The following TECRL variants were observed in gnomAD, a reference collection of about 807,000 sequenced individuals.
TECRL encodes the protein trans-2,3-enoyl-CoA reductase-like.
In TECRL, 63 loss-of-function variants were observed where a neutral mutation model predicts 52.8. That is an observed-to-expected ratio of 1.19 (90% CI 0.97 to 1.47). The LOEUF is 1.47. TECRL is among the 40% of genes most tolerant of loss of function. The pLI is 0.00. For missense variants in TECRL, 482 were observed against 429.6 expected, an observed-to-expected ratio of 1.12 and a Z score of -1.08; for synonymous variants, 164 against 141.9, an observed-to-expected ratio of 1.16 and a Z score of -1.10.
At position 64,296,580 on chromosome 4, in the gene TECRL, A is replaced by G. The variant is rs560416319; in HGVS notation, c.774+3394T>C. Among the ~76,000 whole-genome samples the G allele has an allele frequency of 1.4e-3, 214 of 151,838 alleles. 2 individuals carry two copies. The highest frequency in any genetic ancestry group is 2.4e-3 in the Non-Finnish European group (164 of 67,798). On this transcript the variant is annotated intron_variant, in intron 8 of 11. Transcript: ENST00000381210. ...GAAGACATTAAGAAAGGCTAGAAAAAGAGTTCCTTTTTGGTAAAATCCTCA... is the reference window on the plus strand; with the variant it reads ...GAAGACATTAAGAAAGGCTAGAAAAGGAGTTCCTTTTTGGTAAAATCCTCA...
chr4:64,374,048 GATACAT>G (rs1471754019), intron 2 of TECRL, among the ~76,000 whole-genome samples: 4 of 42,694 alleles, frequency 9.4e-5, no homozygotes, highest in African/African-American at 3.0e-4. Context: ...GTATATAGTA[GATACAT>G]ATATATATAT....
intron 9 of TECRL, among the ~76,000 whole-genome samples, chr4:64,287,426 G>A (rs1361880469): frequency 1.3e-5 from 2 of 152,074 alleles, no homozygotes; most frequent in Non-Finnish European, 2.9e-5. Flanking sequence ...CCTGCCAGAA[G>A]CGTGGAAGGC....
In TECRL at chr4:64,409,312, T is replaced by C; in HGVS notation, c.40A>G (p.Arg14Gly). 6.2e-7 allele frequency: 1 copy of C among 1,613,776 alleles called. No homozygotes were observed. Among genetic ancestry groups the C allele is most frequent in the Non-Finnish European group, 8.5e-7 (1 of 1,179,760 alleles). ...GTAGCTCTTTGGGAAAGTAATGCTC[T>C]CTTGCGTTCCGAAGCGAGGGACTTG... is the stretch of plus-strand genomic sequence containing the variant. ...RHKSLASERK[R>G]ALLSQRATRF... Residue 14 changes from arginine to glycine, a missense_variant, in exon 1 of 12, where the codon AGA becomes GGA. Coordinates refer to ENST00000381210, the MANE Select transcript of TECRL (RefSeq NM_001010874.5).
intron 5 of TECRL, among the ~76,000 whole-genome samples, chr4:64,314,189 A>C (rs1461606162): frequency 6.6e-6 from 1 of 151,722 alleles, no homozygotes; most frequent in African/African-American, 2.4e-5. Flanking sequence ...AAAAATAAAA[A>C]TAAATAAAAA....
chr4:64,314,590 GGTGTGTGTGTGTGTGTGTGT>G (rs5858876), intron 5 of TECRL, 38 bp downstream of exon 5: 202 of 746,016 alleles, frequency 2.7e-4, no homozygotes, highest in Middle Eastern at 5.4e-4. Flanking sequence ...TAACGTGTAT[GGTGTGTGTGTGTGTGTGTGT>G]GTGTGTGTGT....
intron 4 of TECRL, among the ~76,000 whole-genome samples, 155 bp downstream of exon 4, chr4:64,322,534 A>C (rs917941083): frequency 6.6e-6 from 1 of 151,894 alleles, no homozygotes; most frequent in African/African-American, 2.4e-5. Flanking sequence ...ACTTGAGTAG[A>C]ACTTTGGCCA....
intron 2 of TECRL, among the ~76,000 whole-genome samples, chr4:64,353,263 T>C (rs1363628089): frequency 6.6e-6 from 1 of 152,180 alleles, no homozygotes; most frequent in Non-Finnish European, 1.5e-5. Context: ...ACATAGTTAA[T>C]ACACAGTGTG....
chr4:64,348,229 G>T (rs952794498), intron 2 of TECRL, among the ~76,000 whole-genome samples: 1 of 152,140 alleles, frequency 6.6e-6, no homozygotes, highest in Non-Finnish European at 1.5e-5. Flanking sequence ...CAAAGACGAA[G>T]CAAGGACCTT....
At chr4:64,345,006 G>A (rs1719847375) in intron 2 of TECRL, among the ~76,000 whole-genome samples, 1 of 152,160 alleles carries the variant, frequency 6.6e-6, no homozygotes, top group African/African-American at 2.4e-5. Context: ...ACCACAATGA[G>A]ATACCATCTC....
chr4:64,284,486 C>A (rs2109932376), intron 9 of TECRL, among the ~76,000 whole-genome samples: 1 of 152,106 alleles, frequency 6.6e-6, no homozygotes, highest in East Asian at 1.9e-4. Context: ...GAAAGGAACA[C>A]CATCATCACT....
At chr4:64,341,740 C>T (rs983336288) in intron 2 of TECRL, among the ~76,000 whole-genome samples, 9 of 152,116 alleles carry the variant, frequency 5.9e-5, no homozygotes, top group African/African-American at 2.2e-4. Flanking sequence ...CTCTTTGGGC[C>T]CCTGTGGTTG....
intron 9 of TECRL, 25 bp from the exon 10 acceptor site, chr4:64,281,584 CA>C (rs1156856166): frequency 7.6e-7 from 1 of 1,312,470 alleles, no homozygotes; most frequent in Non-Finnish European, 1.1e-6. Flanking sequence ...AGTAAAATGT[CA>C]ATGATGCTAC....
chr4:64,286,774 G>A (rs1054506344), intron 9 of TECRL, among the ~76,000 whole-genome samples: 3 of 152,036 alleles, frequency 2.0e-5, no homozygotes, highest in East Asian at 1.9e-4. Context: ...AAAGAGGGGG[G>A]CCTTCTTACA....
chr4:64,373,300 C>T (rs776677404), intron 2 of TECRL, among the ~76,000 whole-genome samples: 1 of 151,570 alleles, frequency 6.6e-6, no homozygotes, highest in Non-Finnish European at 1.5e-5. Flanking sequence ...AAGATTAGTA[C>T]TTACAAAGGA....
Position 64,332,908 on chromosome 4 carries a change from A to C in TECRL, c.287-4352T>G, listed in dbSNP as rs551678294. On this transcript the variant is annotated intron_variant, in intron 2 of 11. Transcript: ENST00000381210. ...ACTGAAGTGTGAGAATAAAAAAGTT[A>C]AAGAAAAGTGAAAAAGCTATATATT... is the stretch of plus-strand genomic sequence containing the variant. Among the ~76,000 whole-genome samples, 4 of 152,220 alleles carry C rather than the reference A, an allele frequency of 2.6e-5. No individual in the cohort carries two copies. In the East Asian group the frequency reaches 7.7e-4, roughly 29 times the overall value.
At position 64,328,569 on chromosome 4, in the gene TECRL, A is replaced by G. The variant is rs779254459; in HGVS notation, c.287-13T>C. The G allele has an allele frequency of 1.2e-6, 2 of 1,608,566 alleles. No individual in the cohort carries two copies. The highest frequency in any genetic ancestry group is 1.7e-6 in the Non-Finnish European group (2 of 1,176,638). On this transcript the variant is annotated splice_polypyrimidine_tract_variant and intron_variant, in intron 2 of 11. Transcript: ENST00000381210. The stretch of plus-strand genomic sequence containing the variant: ...TACCACTTTGGACCTATTCAATGAA[A>G]AATAACATTTAATTGTCAGAAAAAG...
intron 4 of TECRL, among the ~76,000 whole-genome samples, chr4:64,321,923 G>C (rs1265565455): frequency 6.6e-6 from 1 of 152,116 alleles, no homozygotes; most frequent in African/African-American, 2.4e-5. Context: ...AGTGTCAAAA[G>C]AATCTGTGAT....
intron 2 of TECRL, among the ~76,000 whole-genome samples, chr4:64,363,163 A>C (rs1354394771): frequency 6.6e-6 from 1 of 152,148 alleles, no homozygotes; most frequent in Non-Finnish European, 1.5e-5. Flanking sequence ...TATTCACCCA[A>C]CACTGTAAAT....
At chr4:64,395,448 G>A (rs72614760) in intron 1 of TECRL, among the ~76,000 whole-genome samples, 37,384 of 150,954 alleles carry the variant, frequency 0.25, 4,741 homozygotes, top group South Asian at 0.3. Context: ...CAACTAACAC[G>A]ATCACAATGT....
Sources: gnomAD v4.1 joint callset for allele counts (sites outside exome capture counted in the v4.1 genomes callset) on GRCh38, gnomAD v4.1.1 for gene constraint, MANE v1.5 for transcripts, NCBI Gene and HGNC (gene_info 2026-07-23, HGNC 2026-07-21) for gene names.